TENM3: variants seen among roughly 807,000 people sequenced by gnomAD.
TENM3 encodes the protein teneurin transmembrane protein 3.
In TENM3, 63 loss-of-function variants were observed where a neutral mutation model predicts 255.1. The ratio of observed to expected loss-of-function variants is 0.25; its 90% CI spans 0.20 to 0.30. TENM3 has a LOEUF of 0.30. Ranked by LOEUF, TENM3 falls within the 10% of genes least tolerant of loss-of-function variation. The pLI is 1.00. For missense variants in TENM3, 2,929 were observed against 3,461.1 expected, an observed-to-expected ratio of 0.85 and a Z score of 3.86; for synonymous variants, 1,306 against 1,322.3, an observed-to-expected ratio of 0.99 and a Z score of 0.27.
At chr4:181,708,537 G>T in the TENM3 span, among the ~76,000 whole-genome samples, 1 of 150,616 alleles carries the variant, frequency 6.6e-6, no homozygotes, top group Non-Finnish European at 1.5e-5. Context: ...GGCGTTCTTT[G>T]GTTTTGTTTT....
intron 3 of TENM3, among the ~76,000 whole-genome samples, chr4:182,384,696 C>G (rs1254285852): frequency 1.3e-5 from 2 of 152,144 alleles, no homozygotes; most frequent in African/African-American, 4.8e-5. Context: ...CTTGAGCCTC[C>G]ACACTGCAGC....
the TENM3 span, among the ~76,000 whole-genome samples, chr4:181,727,741 A>G: frequency 6.6e-6 from 1 of 152,162 alleles, no homozygotes; most frequent in Non-Finnish European, 1.5e-5. Context: ...CCTCCTTGAG[A>G]CTTCTCTTTC....
the TENM3 span, among the ~76,000 whole-genome samples, chr4:181,768,881 C>T: frequency 6.6e-6 from 1 of 152,170 alleles, no homozygotes; most frequent in African/African-American, 2.4e-5. Flanking sequence ...ATCTTGCCAT[C>T]TTTCTCATTT....
intron 11 of TENM3, among the ~76,000 whole-genome samples, chr4:182,684,087 A>G (rs1380211671): frequency 1.3e-5 from 2 of 151,698 alleles, no homozygotes; most frequent in African/African-American, 2.4e-5. Context: ...TAGAAAAGAG[A>G]TGAATTCCGT....
intron 3 of TENM3, among the ~76,000 whole-genome samples, chr4:182,489,117 G>T (rs183184697): frequency 2.6e-5 from 4 of 152,214 alleles, no homozygotes; most frequent in Non-Finnish European, 5.9e-5. Flanking sequence ...TTTTATTTGT[G>T]CAGTGGAAAG....
chr4:181,891,108 A>T, the TENM3 span, among the ~76,000 whole-genome samples: 1 of 152,162 alleles, frequency 6.6e-6, no homozygotes, highest in Admixed American at 6.5e-5. Flanking sequence ...TGAAAGTAAG[A>T]TGGATTGTTA....
intron 1 of TENM3, among the ~76,000 whole-genome samples, chr4:182,309,127 G>A (rs1762298862): frequency 6.6e-6 from 1 of 152,140 alleles, no homozygotes; most frequent in Non-Finnish European, 1.5e-5. Flanking sequence ...AATCTACTCT[G>A]GAACTTATCT....
chr4:182,752,071 A>G, intron 20 of TENM3, 39 bp downstream of exon 20: 1 of 1,045,712 alleles, frequency 9.6e-7, no homozygotes, highest in Non-Finnish European at 1.3e-6. Flanking sequence ...CTTTTTATTT[A>G]TTAAAAAAAA....
intron 24 of TENM3, among the ~76,000 whole-genome samples, chr4:182,778,945 T>TC (rs1491525483): frequency 2.9e-5 from 4 of 136,706 alleles, no homozygotes; most frequent in Non-Finnish European, 6.0e-5. Flanking sequence ...TATATTTTTT[T>TC]CTTTTTTTTT....
At chr4:182,386,691 C>G (rs938950308) in intron 3 of TENM3, among the ~76,000 whole-genome samples, 1 of 152,240 alleles carries the variant, frequency 6.6e-6, no homozygotes, top group African/African-American at 2.4e-5. Context: ...GGCTTAGCAC[C>G]CAGGCCAGCG....
chr4:182,432,985 C>A (rs1383022006), intron 3 of TENM3, among the ~76,000 whole-genome samples: 1 of 151,786 alleles, frequency 6.6e-6, no homozygotes, highest in African/African-American at 2.4e-5. Context: ...CTGTGCCTGG[C>A]CAGGAAGTGA....
the TENM3 span, among the ~76,000 whole-genome samples, chr4:181,611,193 C>T: frequency 6.6e-6 from 1 of 152,154 alleles, no homozygotes; most frequent in Non-Finnish European, 1.5e-5. Context: ...CGTGGGAGAG[C>T]CCAGACGTTT....
chr4:181,981,025 G>A, the TENM3 span, among the ~76,000 whole-genome samples: 14 of 151,928 alleles, frequency 9.2e-5, no homozygotes, highest in Non-Finnish European at 1.9e-4. Flanking sequence ...GGCAAGAGGC[G>A]GTCCAGGACT....
chr4:182,694,450 G>A (rs896471742), intron 12 of TENM3, among the ~76,000 whole-genome samples: 4 of 152,102 alleles, frequency 2.6e-5, no homozygotes, highest in Non-Finnish European at 4.4e-5. Flanking sequence ...ATGAAAGAAA[G>A]GTGGAGGATA....
At chr4:182,338,841 A>C (rs546308526) in intron 2 of TENM3, among the ~76,000 whole-genome samples, 35 of 152,318 alleles carry the variant, frequency 2.3e-4, no homozygotes, top group African/African-American at 7.9e-4. Context: ...AAATTGTGAA[A>C]GAGGAAGATT....
chr4:181,447,794 G>A, the TENM3 span, among the ~76,000 whole-genome samples: 2 of 152,160 alleles, frequency 1.3e-5, no homozygotes, highest in South Asian at 4.1e-4. Context: ...TGTGCGGCCA[G>A]CAGCTTTGAT....
At chr4:181,647,377 A>G in the TENM3 span, among the ~76,000 whole-genome samples, 1 of 152,212 alleles carries the variant, frequency 6.6e-6, no homozygotes, top group Non-Finnish European at 1.5e-5. Context: ...AATTGGGTAA[A>G]AATATCTATT....
At chr4:181,810,378 C>T in the TENM3 span, among the ~76,000 whole-genome samples, 1 of 152,112 alleles carries the variant, frequency 6.6e-6, no homozygotes, top group African/African-American at 2.4e-5. Context: ...AAACATCTGG[C>T]ACCCAGTAAA....
At chr4:181,818,089 GTTTAGCTTAGT>G in the TENM3 span, among the ~76,000 whole-genome samples, 10 of 152,238 alleles carry the variant, frequency 6.6e-5, no homozygotes, top group East Asian at 1.7e-3. Flanking sequence ...TTGTTTTATA[GTTTAGCTTAGT>G]TGTACTACTC....
Sources: gnomAD v4.1 joint callset for allele counts (sites outside exome capture counted in the v4.1 genomes callset) on GRCh38, gnomAD v4.1.1 for gene constraint, MANE v1.5 for transcripts, NCBI Gene and HGNC (gene_info 2026-07-23, HGNC 2026-07-21) for gene names.